The following PDE8B variants were observed in gnomAD, a reference collection of about 807,000 sequenced individuals.
PDE8B encodes the protein phosphodiesterase 8B.
In PDE8B, 26 loss-of-function variants were observed where a neutral mutation model predicts 101.3. The observed-to-expected ratio is 0.26, with a 90% CI of 0.19 to 0.36. The LOEUF (loss-of-function observed/expected upper bound fraction) is 0.36. Among genes scored for constraint, PDE8B ranks in the 10% least tolerant of loss-of-function variants. PDE8B has a pLI of 1.00. For missense variants in PDE8B, 810 were observed against 1,163.1 expected (o/e 0.70, Z 4.42); for synonymous variants, 424 against 429.3 (o/e 0.99, Z 0.15).
At chr5:77,183,544 G>A in the PDE8B span, among the ~76,000 whole-genome samples, 1 of 152,220 alleles carries the variant, frequency 6.6e-6, no homozygotes, top group Admixed American at 6.5e-5. Flanking sequence ...CGACATGCAA[G>A]AAGGAAGAAA....
At chr5:77,351,600 G>T (rs1387892605) in intron 9 of PDE8B, among the ~76,000 whole-genome samples, 1 of 152,178 alleles carries the variant, frequency 6.6e-6, no homozygotes, top group Non-Finnish European at 1.5e-5. Context: ...GGAGAGAAAG[G>T]TGTGTCTGAC....
intron 1 of PDE8B, chr5:77,290,813 C>T (rs1315034849): frequency 6.7e-7 from 1 of 1,494,126 alleles, no homozygotes; most frequent in Non-Finnish European, 9.3e-7. Flanking sequence ...TTGTCATGAT[C>T]TGTGGAAATG....
Position 77,426,452 on chromosome 5 carries a change from A to G in PDE8B, c.2556A>G (p.Ala852=). 1 of 1,608,714 alleles carries G rather than the reference A, an allele frequency of 6.2e-7. No individual in the cohort carries two copies. The highest frequency in any genetic ancestry group is 8.5e-7 in the Non-Finnish European group (1 of 1,175,136). ...TDMFDAWDAF[A]HLPALMQHLA... ...TCTTTTCTGTCTTTGCAGCCTTTGCACATCTGCCAGCCCTGATGCAACATT... is the reference window on the plus strand; with the variant it reads ...TCTTTTCTGTCTTTGCAGCCTTTGCGCATCTGCCAGCCCTGATGCAACATT... Residue 852 remains alanine, a synonymous_variant, in exon 22 of 22, where the codon GCA becomes GCG. Coordinates refer to ENST00000264917, the MANE Select transcript of PDE8B (RefSeq NM_003719.5).
intron 10 of PDE8B, among the ~76,000 whole-genome samples, chr5:77,391,713 C>G (rs191202059): frequency 6.6e-6 from 1 of 152,186 alleles, no homozygotes; most frequent in Non-Finnish European, 1.5e-5. Flanking sequence ...AGGAGCTCCA[C>G]GAGCCAATCG....
chr5:77,378,482 AAAG>A (rs1190112151), intron 10 of PDE8B, among the ~76,000 whole-genome samples: 6 of 136,904 alleles, frequency 4.4e-5, no homozygotes, highest in African/African-American at 1.4e-4. Context: ...AAAAAAAAAA[AAAG>A]GGCATGTACC....
At chr5:77,131,719 C>A in the PDE8B span, among the ~76,000 whole-genome samples, 3 of 152,130 alleles carry the variant, frequency 2.0e-5, no homozygotes, top group Admixed American at 6.5e-5. Context: ...AGAAACAATT[C>A]TCTTGTTCAC....
Position 77,222,483 on chromosome 5 carries a change from G to A in PDE8B, c.339+11219G>A, listed in dbSNP as rs145020227. Reference sequence around the variant, plus strand: ...CTAAAAATACAAAAATTAGCTGGGCGTGGTGGCTTGCACCTGTAATCCCAG... The same window carrying A: ...CTAAAAATACAAAAATTAGCTGGGCATGGTGGCTTGCACCTGTAATCCCAG... On this transcript the variant is annotated intron_variant, in intron 1 of 21. Transcript: ENST00000264917. Among the ~76,000 whole-genome samples the A allele has an allele frequency of 4.6e-5, 7 of 152,258 alleles. No homozygotes were observed. In the East Asian group the frequency reaches 7.7e-4, roughly 17 times the overall value.
chr5:77,366,417 C>T (rs1034460854), intron 10 of PDE8B, among the ~76,000 whole-genome samples: 11 of 152,158 alleles, frequency 7.2e-5, no homozygotes. Context: ...AAAGCATGTG[C>T]CAGTGTATCA....
At chr5:77,294,820 G>A (rs1768153592) in intron 1 of PDE8B, among the ~76,000 whole-genome samples, 1 of 148,764 alleles carries the variant, frequency 6.7e-6, no homozygotes, top group Admixed American at 6.7e-5. Context: ...GACAGGCAAA[G>A]GAGCTCCACA....
chr5:77,214,222 T>A (rs1312560916), intron 1 of PDE8B, among the ~76,000 whole-genome samples: 3 of 152,200 alleles, frequency 2.0e-5, no homozygotes, highest in African/African-American at 7.2e-5. Flanking sequence ...ATACCAGCTG[T>A]TCCTACTTGG....
intron 1 of PDE8B, among the ~76,000 whole-genome samples, chr5:77,232,399 T>C (rs1753761465): frequency 6.6e-6 from 1 of 152,216 alleles, no homozygotes; most frequent in African/African-American, 2.4e-5. Context: ...ATTCCTCTTT[T>C]CTAGATAGGG....
the PDE8B span, chr5:77,134,366 CA>C: frequency 2.6e-5 from 4 of 152,332 alleles, no homozygotes; most frequent in Non-Finnish European, 5.9e-5. Context: ...TTATCATTTC[CA>C]ATGACCTCCT....
chr5:77,092,104 G>A, the PDE8B span, among the ~76,000 whole-genome samples: 4 of 152,174 alleles, frequency 2.6e-5, no homozygotes, highest in Non-Finnish European at 4.4e-5. Context: ...GCTTGAAAAA[G>A]AGTAGGATTT....
At chr5:77,283,260 C>A (rs898739115) in intron 1 of PDE8B, among the ~76,000 whole-genome samples, 141 of 152,094 alleles carry the variant, frequency 9.3e-4, no homozygotes, top group African/African-American at 3.3e-3. Context: ...CTCCCTGGAG[C>A]CATATGCACA....
At chr5:77,317,229 A>C (rs1773953327) in intron 2 of PDE8B, among the ~76,000 whole-genome samples, 1 of 152,234 alleles carries the variant, frequency 6.6e-6, no homozygotes. Flanking sequence ...TTGACTTAGA[A>C]AAATGAAGCT....
intron 1 of PDE8B, among the ~76,000 whole-genome samples, chr5:77,217,461 G>C (rs1330627234): frequency 6.6e-6 from 1 of 152,028 alleles, no homozygotes; most frequent in Admixed American, 6.6e-5. Context: ...AATGTGTCCA[G>C]GAATTTATTT....
the PDE8B span, among the ~76,000 whole-genome samples, chr5:77,092,832 A>G: frequency 1.3e-5 from 2 of 152,164 alleles, no homozygotes; most frequent in Non-Finnish European, 2.9e-5. Context: ...AGGTGGGAGC[A>G]TTGTTTGAGC....
At chr5:77,209,219 T>C (rs978159403), upstream of PDE8B, among the ~76,000 whole-genome samples, 1 of 152,104 alleles carries the variant, frequency 6.6e-6, no homozygotes, top group African/African-American at 2.4e-5. Context: ...GAAGCAAAGG[T>C]AGAAGAATAA....
At chr5:77,116,195 C>T in the PDE8B span, among the ~76,000 whole-genome samples, 2 of 142,716 alleles carry the variant, frequency 1.4e-5, no homozygotes, top group African/African-American at 5.2e-5. Flanking sequence ...CTGAGAAGAC[C>T]GAGTTCTTCT....
Sources: allele counts gnomAD v4.1 joint callset (sites outside exome capture counted in the v4.1 genomes callset), GRCh38; gene constraint gnomAD v4.1.1; transcripts MANE v1.5; gene names NCBI Gene and HGNC (gene_info 2026-07-23, HGNC 2026-07-21).